Variants in OR2A14 observed in about 807,000 individuals in gnomAD.
The protein encoded by OR2A14 is olfactory receptor family 2 subfamily A member 14.
In OR2A14, 2 loss-of-function variants were observed where a neutral mutation model predicts 2.4. The observed-to-expected ratio is 0.85, with a 90% CI of 0.35 to 2.67. OR2A14 has a LOEUF of 2.67. Ranked by LOEUF, OR2A14 falls within the 30% of genes most tolerant of loss-of-function variation. The pLI is 0.10. For missense variants in OR2A14, 390 were observed against 379.4 expected (o/e 1.03, Z -0.23); for synonymous variants, 160 against 156.3 (o/e 1.02, Z -0.18).
chr7:144,129,683 A>T lies in OR2A14; in HGVS notation c.571A>T (p.Thr191Ser). Residue 191 changes from threonine to serine, a missense_variant, in exon 2 of 2, where the codon ACC (threonine) becomes TCC (serine). Transcript: ENST00000641068. The part of the protein sequence containing the change: ...LSVLKLACAD[T>S]WLNQVVIFAA... ...TGTCCTCAAGTTGGCCTGTGCTGAC[A>T]CCTGGCTCAACCAGGTGGTCATCTT... 6.2e-7 allele frequency: 1 copy of T among 1,614,090 alleles called. No homozygotes were observed. The highest frequency in any genetic ancestry group is 8.5e-7 in the Non-Finnish European group (1 of 1,180,014).
chr7:144,130,267 A>T lies in OR2A14; in HGVS notation c.*222A>T. 1 of 391,650 alleles carries T rather than the reference A, an allele frequency of 2.6e-6. No homozygotes were observed. The highest frequency in any genetic ancestry group is 4.5e-6 in the Non-Finnish European group (1 of 222,582). The allele number at this position is 391,650 out of a possible 1,614,324, so 24.3% of individuals were successfully genotyped here. ...ATAAAGAAGACACAAAAGTCCCTAG[A>T]TATAAAATTTTTAAGTTCGATAAAT... On this transcript the variant is annotated 3_prime_UTR_variant, in exon 2 of 2. Coordinates refer to ENST00000641068, the MANE Select transcript of OR2A14 (RefSeq NM_001001659.3).
chr7:144,124,449 C>A (rs1001188190), intron 1 of OR2A14, among the ~76,000 whole-genome samples: 1 of 111,356 alleles, frequency 9.0e-6, no homozygotes, highest in Non-Finnish European at 1.7e-5. Context: ...GCAACAAGAG[C>A]GAAACTCCGT....
chr7:144,123,547 T>C (rs568678587), intron 1 of OR2A14, among the ~76,000 whole-genome samples: 31 of 152,318 alleles, frequency 2.0e-4, no homozygotes, highest in Non-Finnish European at 2.9e-5. Context: ...CACTGTGCCA[T>C]AGAAGAGGAT....
rs747380349 is a variant in OR2A14 at position 144,129,294 on chromosome 7, T to A, written c.182T>A (p.Phe61Tyr). Reference protein sequence around the residue: ...DCKLHTPMYFFLSHLAIVDIS... With the variant: ...DCKLHTPMYFYLSHLAIVDIS... ...AAGCTTCACACACCCATGTACTTCT[T>A]CCTCTCACACCTGGCCATTGTTGAC... Residue 61 changes from phenylalanine to tyrosine, a missense_variant, in exon 2 of 2, where the codon TTC becomes TAC. By Grantham distance (22) the Phe-to-Tyr change is conservative. Transcript: ENST00000641068. 5.9e-5 allele frequency: 95 copies of A among 1,614,068 alleles called. No individual in the cohort carries two copies. Among genetic ancestry groups the A allele is most frequent in the Middle Eastern group, 1.6e-4 (1 of 6,084 alleles).
intron 1 of OR2A14, among the ~76,000 whole-genome samples, chr7:144,128,817 C>T (rs2051502797): frequency 6.6e-6 from 1 of 152,016 alleles, no homozygotes; most frequent in Non-Finnish European, 1.5e-5. Context: ...GTGTGTATCC[C>T]CTTATGTAGG....
rs200056281 is a variant in OR2A14, at chr7:144,129,444, G to A, written c.332G>A (p.Cys111Tyr). The change falls in exon 2 of 2, where the codon TGT becomes TAT. Residue 111 changes from cysteine (C) to tyrosine (Y), a missense_variant. Coordinates refer to ENST00000641068, the MANE Select transcript of OR2A14 (RefSeq NM_001001659.3). ...TATTTGGCTTTTGCTCACGTAGAGT[G>A]TCTGATTTTGGTGGTGATGTCCTAT... The part of the protein sequence containing the change: ...FLYLAFAHVE[C>Y]LILVVMSYDR... 2 of 1,614,084 alleles carry A rather than the reference G, an allele frequency of 1.2e-6. No homozygotes were observed. The highest frequency in any genetic ancestry group is 1.7e-5 in the Admixed American group (1 of 60,024).
chr7:144,124,665 A>G (rs1343643087), intron 1 of OR2A14, among the ~76,000 whole-genome samples: 1 of 152,038 alleles, frequency 6.6e-6, no homozygotes, highest in Non-Finnish European at 1.5e-5. Flanking sequence ...TCAGTGCTAA[A>G]CACCCTAAAT....
rs2051527906 is a variant in OR2A14 at position 144,130,998 on chromosome 7, G to A, written c.*953G>A. 6.6e-6 allele frequency: 1 copy of A among 152,204 alleles called. No individual in the cohort carries two copies. The highest frequency in any genetic ancestry group is 1.5e-5 in the Non-Finnish European group (1 of 68,038). The allele number at this position is 152,204 out of a possible 1,614,324, so 9.4% of individuals were successfully genotyped here. On this transcript the variant is annotated 3_prime_UTR_variant, in exon 2 of 2. Coordinates refer to ENST00000641068, the MANE Select transcript of OR2A14 (RefSeq NM_001001659.3). ...TGTTCTAGATCTTAAAACTAGCATA[G>A]TTCCAGCTGATCCCACTTTAGAGAC... is the stretch of plus-strand genomic sequence containing the variant.
At chr7:144,123,886 G>A (rs113015771) in intron 1 of OR2A14, among the ~76,000 whole-genome samples, 9 of 151,986 alleles carry the variant, frequency 5.9e-5, no homozygotes, top group African/African-American at 2.2e-4. Flanking sequence ...AGGAACCATT[G>A]AGCACAGAAC....
At position 144,130,375 on chromosome 7, in the gene OR2A14, G is replaced by A. The variant is rs1438800440; in HGVS notation, c.*330G>A. 3 of 189,744 alleles carry A rather than the reference G, an allele frequency of 1.6e-5. No homozygotes were observed. The highest frequency in any genetic ancestry group is 5.3e-5 in the Admixed American group (1 of 19,016). The allele number at this position is 189,744 out of a possible 1,614,324, so 11.8% of individuals were successfully genotyped here. On this transcript the variant is annotated 3_prime_UTR_variant, in exon 2 of 2. Transcript: ENST00000641068. ...AATGCAAGCCACAAACCAAGTGATCGTATGGAAACTACATGTACCCAGAAA... is the reference window on the plus strand; with the variant it reads ...AATGCAAGCCACAAACCAAGTGATCATATGGAAACTACATGTACCCAGAAA...
rs749707842 is a variant in OR2A14, at chr7:144,129,570, TC to T, written c.460del (p.Leu154TrpfsTer6). On this transcript the variant is annotated frameshift_variant, in exon 2 of 2. Coordinates refer to ENST00000641068, the MANE Select transcript of OR2A14 (RefSeq NM_001001659.3). LOFTEE classifies it low-confidence loss of function (END_TRUNC). ...GTGGCTTCCTGGGTGTTCAGCTTCC[TC>T]CTGGCTCTGGTCCCTTTAGTTCTCA... Reference protein sequence around the residue: ...LAVASWVFSFLLALVPLVLIL... With the variant: ...LAVASWVFSFXLALVPLVLIL... 1 of 1,614,176 alleles carries T rather than the reference TC, an allele frequency of 6.2e-7. No individual in the cohort carries two copies.
intron 1 of OR2A14, among the ~76,000 whole-genome samples, chr7:144,127,968 C>T (rs1010453274): frequency 2.0e-5 from 3 of 152,190 alleles, no homozygotes; most frequent in African/African-American, 7.2e-5. Context: ...AAGAGCTCAC[C>T]AGCTGGGGCT....
chr7:144,124,420 C>T (rs2051467243), intron 1 of OR2A14, among the ~76,000 whole-genome samples: 1 of 141,066 alleles, frequency 7.1e-6, no homozygotes, highest in Non-Finnish European at 1.5e-5. Flanking sequence ...CGAGATCTCA[C>T]CATTGCACTC....
In OR2A14 at chr7:144,130,063, C is replaced by G. The variant is rs568519902; in HGVS notation, c.*18C>G. 1 of 1,590,664 alleles carries G rather than the reference C, an allele frequency of 6.3e-7. No homozygotes were observed. The highest frequency in any genetic ancestry group is 2.2e-5 in the East Asian group (1 of 44,636). The stretch of plus-strand genomic sequence containing the variant: ...TGACGTGAGACATCTCAAAGGGAAC[C>G]ATGGGGAGGGAGCCTTGCTCCCTGC... On this transcript the variant is annotated 3_prime_UTR_variant, in exon 2 of 2. Coordinates refer to ENST00000641068, the MANE Select transcript of OR2A14 (RefSeq NM_001001659.3).
Position 144,129,529 on chromosome 7 carries a change from G to A in OR2A14, c.417G>A (p.Val139=). Residue 139 remains valine, a synonymous_variant, in exon 2 of 2, where the codon GTG becomes GTA. Coordinates refer to ENST00000641068, the MANE Select transcript of OR2A14 (RefSeq NM_001001659.3). ...ACAATAGCCTCATGAGCTGGAGAGTGTGCACTGTCCTGGCTGTGGCTTCCT... is the reference window on the plus strand; with the variant it reads ...ACAATAGCCTCATGAGCTGGAGAGTATGCACTGTCCTGGCTGTGGCTTCCT... The part of the protein sequence containing the change: ...LRYNSLMSWR[V]CTVLAVASWV... The A allele has an allele frequency of 1.2e-6, 2 of 1,614,128 alleles. No individual in the cohort carries two copies. Among genetic ancestry groups the A allele is most frequent in the Non-Finnish European group, 1.7e-6 (2 of 1,180,006 alleles).
chr7:144,127,646 G>A (rs1317238966), intron 1 of OR2A14, among the ~76,000 whole-genome samples: 2 of 152,046 alleles, frequency 1.3e-5, no homozygotes, highest in Non-Finnish European at 2.9e-5. Context: ...TATATTAAGT[G>A]AAAAATTGTA....
At chr7:144,127,220 C>T (rs186561388) in intron 1 of OR2A14, among the ~76,000 whole-genome samples, 2 of 152,266 alleles carry the variant, frequency 1.3e-5, no homozygotes, top group East Asian at 3.9e-4. Context: ...AAGGATCATT[C>T]GTTAAGGGAT....
rs372212944 is a variant in OR2A14, at chr7:144,129,908, C to A, written c.796C>A (p.Pro266Thr). Residue 266 changes from proline to threonine, a missense_variant, in exon 2 of 2, where the codon CCT (proline) becomes ACT (threonine). Physicochemically the swap from Pro to Thr is conservative, Grantham distance 38. Transcript: ENST00000641068. The part of the protein sequence containing the change: ...VTYMAPKSRH[P>T]EEQQKVLSLF... ...GTACATGGCCCCCAAGTCCCGCCATCCTGAGGAGCAGCAGAAAGTTCTTTC... is the reference window on the plus strand; with the variant it reads ...GTACATGGCCCCCAAGTCCCGCCATACTGAGGAGCAGCAGAAAGTTCTTTC... 1 of 1,614,104 alleles carries A rather than the reference C, an allele frequency of 6.2e-7. No homozygotes were observed. The highest frequency in any genetic ancestry group is 1.3e-5 in the African/African-American group (1 of 74,942).
chr7:144,129,935 C>T lies in OR2A14; in HGVS notation c.823C>T (p.Leu275=), dbSNP rs1236592811. The T allele has an allele frequency of 1.2e-6, 2 of 1,614,170 alleles. No homozygotes were observed. Among genetic ancestry groups the T allele is most frequent in the South Asian group, 1.1e-5 (1 of 91,070 alleles). The change falls in exon 2 of 2, where the codon CTG becomes TTG. Residue 275 remains leucine (L), a synonymous_variant. Coordinates refer to ENST00000641068, the MANE Select transcript of OR2A14 (RefSeq NM_001001659.3). The stretch of plus-strand genomic sequence containing the variant: ...TGAGGAGCAGCAGAAAGTTCTTTCC[C>T]TGTTTTACAGCCTTTTCAATCCAAT... The part of the protein sequence containing the change: ...HPEEQQKVLS[L]FYSLFNPMLN...
Sources: gnomAD v4.1 joint callset for allele counts (sites outside exome capture counted in the v4.1 genomes callset) on GRCh38, gnomAD v4.1.1 for gene constraint, MANE v1.5 for transcripts, NCBI Gene and HGNC (gene_info 2026-07-23, HGNC 2026-07-21) for gene names.